The following ELF2 variants were observed in gnomAD, a reference collection of about 807,000 sequenced individuals.
The protein encoded by ELF2 is E74 like ETS transcription factor 2.
Under a neutral mutation model 54.8 loss-of-function variants are expected in ELF2, and 11 were observed. The ratio of observed to expected loss-of-function variants is 0.20; its 90% CI spans 0.13 to 0.33. The LOEUF is 0.33. ELF2 is among the 10% of genes least tolerant of loss of function. The probability of loss-of-function intolerance (pLI) is 1.00; values close to 1 mark genes in which losing one functional copy is unlikely to be tolerated. For synonymous variants in ELF2, 203 were observed against 245.1 expected (o/e 0.83, Z 1.61); for missense variants, 513 against 703.0 (o/e 0.73, Z 3.06).
intron 1 of ELF2, among the ~76,000 whole-genome samples, chr4:139,168,810 C>T (rs539701753): frequency 4.5e-4 from 69 of 152,220 alleles, no homozygotes; most frequent in African/African-American, 1.5e-3. Context: ...TCAAGCAATC[C>T]TCCTGCCTCT....
chr4:139,105,108 C>T (rs954410389), intron 4 of ELF2, among the ~76,000 whole-genome samples: 8 of 152,202 alleles, frequency 5.3e-5, no homozygotes, highest in East Asian at 1.9e-4. Context: ...TACCTAATAA[C>T]TGTCATATGG....
At chr4:139,097,025 T>C (rs559021962) in intron 4 of ELF2, among the ~76,000 whole-genome samples, 1 of 152,302 alleles carries the variant, frequency 6.6e-6, no homozygotes, top group South Asian at 2.1e-4. Context: ...TTACCTCTAC[T>C]TTACTTGGAT....
At chr4:139,152,339 AT>A (rs199873078) in intron 1 of ELF2, among the ~76,000 whole-genome samples, 349 of 145,200 alleles carry the variant, frequency 2.4e-3, no homozygotes, top group Admixed American at 2.0e-3. Context: ...AGTCTACACC[AT>A]TTTTTTTTTT....
At chr4:139,159,655 G>GCC (rs1560881438) in intron 1 of ELF2, among the ~76,000 whole-genome samples, 1 of 152,168 alleles carries the variant, frequency 6.6e-6, no homozygotes, top group South Asian at 2.1e-4. Context: ...GTCCTGAAAT[G>GCC]ATGGGATCTG....
rs1352545892 is a variant in ELF2, at chr4:139,137,707, T to C, written c.-6A>G. The C allele has an allele frequency of 3.1e-6, 5 of 1,613,810 alleles. No homozygotes were observed. Among genetic ancestry groups the C allele is most frequent in the African/African-American group, 1.3e-5 (1 of 74,944 alleles). On this transcript the variant is annotated 5_prime_UTR_variant, in exon 3 of 10. Coordinates refer to ENST00000686138, the MANE Select transcript of ELF2 (RefSeq NM_001331036.3). ...TCAACCACTGCTGATGTCATTGTTA[T>C]TCCCTGAGGAAGCTTCAAACGCTAT...
chr4:139,176,158 G>C (rs1742892135), intron 1 of ELF2, among the ~76,000 whole-genome samples: 1 of 152,184 alleles, frequency 6.6e-6, no homozygotes. Context: ...GGATCCAGAA[G>C]GCGGTCACTG....
In ELF2 at chr4:139,059,187, G is replaced by A. The variant is rs1357912710; in HGVS notation, c.1578C>T (p.Ile526=). The change falls in exon 10 of 10, where the codon ATC becomes ATT. Residue 526 remains isoleucine, a synonymous_variant. Transcript: ENST00000686138. ...CCTCTGGCCCCTTTATGACTGCACT[G>A]ATAACTCGAGGAGGAGTCTGGCCAG... The part of the protein sequence containing the change: ...QASGQTPPRV[I]SAVIKGPEVK... 6.2e-7 allele frequency: 1 copy of A among 1,613,920 alleles called. No individual in the cohort carries two copies. The highest frequency in any genetic ancestry group is 1.1e-5 in the South Asian group (1 of 91,076).
In ELF2 at chr4:139,067,647, AATC is replaced by A. The variant is rs780584586; in HGVS notation, c.613+34_613+36del. ...CAAAAATGTCACCTAACTGAAAAAA[AATC>A]ATCTCACTTCCAAAGCAACCCTCCC... On this transcript the variant is annotated intron_variant, in intron 7 of 9. Transcript: ENST00000686138. 7.9e-5 allele frequency: 126 copies of A among 1,603,414 alleles called. No homozygotes were observed. In the East Asian group the frequency reaches 2.8e-3, roughly 35 times the overall value.
intron 8 of ELF2, among the ~76,000 whole-genome samples, chr4:139,060,875 G>C (rs902052993): frequency 6.6e-6 from 1 of 152,130 alleles, no homozygotes; most frequent in African/African-American, 2.4e-5. Context: ...TGGAACCTGG[G>C]GCCAAGGTCC....
At chr4:139,128,418 T>C (rs560848667) in intron 3 of ELF2, among the ~76,000 whole-genome samples, 19 of 152,214 alleles carry the variant, frequency 1.2e-4, no homozygotes, top group Non-Finnish European at 2.1e-4. Context: ...CGTATACTTG[T>C]ATACATTTCT....
chr4:139,134,747 G>T (rs1219966071), intron 3 of ELF2, among the ~76,000 whole-genome samples: 2 of 151,178 alleles, frequency 1.3e-5, no homozygotes, highest in Admixed American at 1.3e-4. Context: ...GGGTCTCCTG[G>T]GTGGCTTAGG....
At chr4:139,079,038 A>G (rs767302842) in intron 4 of ELF2, among the ~76,000 whole-genome samples, 130 of 151,920 alleles carry the variant, frequency 8.6e-4, no homozygotes, top group Non-Finnish European at 1.7e-3. Context: ...TGATCCTCCT[A>G]CCTCAGCGTC....
chr4:139,059,434 G>C lies in ELF2; in HGVS notation c.1331C>G (p.Ala444Gly), dbSNP rs1400333377. 2 of 1,613,980 alleles carry C rather than the reference G, an allele frequency of 1.2e-6. No individual in the cohort carries two copies. Among genetic ancestry groups the C allele is most frequent in the Admixed American group, 1.7e-5 (1 of 60,012 alleles). Residue 444 changes from alanine (A) to glycine (G), a missense_variant, in exon 10 of 10, where the codon GCT becomes GGT. Ala to Gly is a moderately conservative substitution (Grantham distance 60). Around this residue, in one of 3 missense-constraint regions of ELF2, gnomAD observed 291 missense variants for 366.1 expected, o/e 0.79. Coordinates refer to ENST00000686138, the MANE Select transcript of ELF2 (RefSeq NM_001331036.3). Reference sequence around the variant, plus strand: ...GATTTTGTCTCCATTTTCAGTAGAAGCTGGCATCACAGTAGGGATTGTCTG... The same window carrying C: ...GATTTTGTCTCCATTTTCAGTAGAACCTGGCATCACAGTAGGGATTGTCTG... Reference protein sequence around the residue: ...VIQTIPTVMPASTENGDKITM... With the variant: ...VIQTIPTVMPGSTENGDKITM...
At chr4:139,174,389 A>T (rs992268948) in intron 1 of ELF2, among the ~76,000 whole-genome samples, 4 of 152,174 alleles carry the variant, frequency 2.6e-5, no homozygotes, top group Admixed American at 6.5e-5. Flanking sequence ...ATCTATAATG[A>T]TAGAAAGTCG....
chr4:139,092,793 C>T (rs1732815929), intron 4 of ELF2, among the ~76,000 whole-genome samples: 1 of 150,828 alleles, frequency 6.6e-6, no homozygotes, highest in Non-Finnish European at 1.5e-5. Flanking sequence ...AGAGAGACTC[C>T]GTCTCAAAAA....
intron 1 of ELF2, among the ~76,000 whole-genome samples, chr4:139,165,743 G>T (rs1045972762): frequency 6.6e-6 from 1 of 152,166 alleles, no homozygotes; most frequent in African/African-American, 2.4e-5. Context: ...CCTTCTCAAA[G>T]ATTTCTGAAA....
chr4:139,105,337 A>G (rs1734312917), intron 4 of ELF2, among the ~76,000 whole-genome samples: 1 of 152,192 alleles, frequency 6.6e-6, no homozygotes, highest in Admixed American at 6.5e-5. Flanking sequence ...TTTCTTGTCT[A>G]CATTGTAGCC....
At chr4:139,069,057 A>G (rs1289162712) in intron 6 of ELF2, among the ~76,000 whole-genome samples, 1 of 151,964 alleles carries the variant, frequency 6.6e-6, no homozygotes, top group Non-Finnish European at 1.5e-5. Context: ...TTTTGTAGAG[A>G]TGGGTTTTAC....
intron 1 of ELF2, among the ~76,000 whole-genome samples, chr4:139,167,292 C>T (rs1352065702): frequency 6.6e-6 from 1 of 152,158 alleles, no homozygotes; most frequent in Non-Finnish European, 1.5e-5. Flanking sequence ...CCCATTCCTA[C>T]AGTGAGAGAA....
Sources: allele counts gnomAD v4.1 joint callset (sites outside exome capture counted in the v4.1 genomes callset), GRCh38; gene constraint gnomAD v4.1.1; regional missense constraint gnomAD v4.1.1; transcripts MANE v1.5; gene names NCBI Gene and HGNC (gene_info 2026-07-23, HGNC 2026-07-21).